The following PPP2R2C variants were observed in gnomAD, a reference collection of about 807,000 sequenced individuals.
PPP2R2C encodes protein phosphatase 2, regulatory subunit B, gamma.
In PPP2R2C, 10 loss-of-function variants were observed where a neutral mutation model predicts 45.3. The observed-to-expected ratio is 0.22, with a 90% CI of 0.14 to 0.37. The LOEUF is 0.37. Among genes scored for constraint, PPP2R2C ranks in the 10% least tolerant of loss-of-function variants. The pLI is 1.00. For missense variants in PPP2R2C, 308 were observed against 619.7 expected (o/e 0.50, Z 5.34); for synonymous variants, 257 against 245.4 (o/e 1.05, Z -0.44).
intron 2 of PPP2R2C, among the ~76,000 whole-genome samples, chr4:6,527,407 C>T (rs1174689693): frequency 6.7e-6 from 1 of 149,258 alleles, no homozygotes; most frequent in Non-Finnish European, 1.5e-5. Context: ...AACAGAACAC[C>T]CCTCTCTCTT....
Position 6,321,150 on chromosome 4 carries a change from C to T in PPP2R2C, c.*2152G>A, listed in dbSNP as rs971403746. ...TGTATTAAGACCTCCTTTTGAAGGA[C>T]ATGTAAGATTTGTACTTTGAAGATG... On this transcript the variant is annotated 3_prime_UTR_variant, in exon 9 of 9. Coordinates refer to ENST00000382599, the MANE Select transcript of PPP2R2C (RefSeq NM_020416.4). 2.0e-5 allele frequency: 3 copies of T among 152,208 alleles called. No homozygotes were observed. Among genetic ancestry groups the T allele is most frequent in the African/African-American group, 7.2e-5 (3 of 41,444 alleles). 9.4% of individuals were successfully genotyped at this position (152,208 alleles called of 1,614,324 possible). A position where few individuals can be genotyped will look rare whatever the true frequency, so the allele number is the denominator to read the frequency against.
intron 1 of PPP2R2C, among the ~76,000 whole-genome samples, chr4:6,541,376 A>AGATT (rs1385334851): frequency 1.3e-5 from 2 of 150,838 alleles, no homozygotes; most frequent in African/African-American, 5.0e-5. Context: ...ATACAGGTCA[A>AGATT]GATTAATTAA....
intron 1 of PPP2R2C, among the ~76,000 whole-genome samples, chr4:6,401,483 G>C (rs1717407991): frequency 6.6e-6 from 1 of 151,898 alleles, no homozygotes; most frequent in African/African-American, 2.4e-5. Flanking sequence ...AGAGTTTCCA[G>C]ATGAACAAGA....
rs1304705887 is a variant in PPP2R2C at position 6,563,094 on chromosome 4, G to A, written c.-59+466C>T. On this transcript the variant is annotated intron_variant, in intron 1 of 9. Transcript: ENST00000506140. This position sits in a 1 kb window ranked among gnomAD's most constrained non-coding sequence, Gnocchi z 5.8. ...CCCGCGGCCGGGACTGAACTCCGCC[G>A]CATTGGGTCTTACCCCGGACTCCGA... is the stretch of plus-strand genomic sequence containing the variant. 6.6e-6 allele frequency among the ~76,000 whole-genome samples: 1 copy of A among 152,170 alleles called. No individual in the cohort carries two copies. The highest frequency in any genetic ancestry group is 1.9e-4 in the East Asian group (1 of 5,188).
intron 1 of PPP2R2C, among the ~76,000 whole-genome samples, chr4:6,424,492 G>A (rs991592023): frequency 3.3e-5 from 5 of 152,232 alleles, no homozygotes; most frequent in African/African-American, 9.6e-5. Context: ...GGTGACCATA[G>A]CATGACTGAC....
intron 2 of PPP2R2C, chr4:6,535,182 G>T: frequency 7.1e-7 from 1 of 1,406,550 alleles, no homozygotes; most frequent in Non-Finnish European, 9.7e-7. Flanking sequence ...CCGCTGTCAG[G>T]CTGGCGCTGT....
intron 1 of PPP2R2C, among the ~76,000 whole-genome samples, chr4:6,398,560 T>C (rs1717209856): frequency 6.6e-6 from 1 of 152,102 alleles, no homozygotes; most frequent in African/African-American, 2.4e-5. Flanking sequence ...GATACCAGTG[T>C]ACACCCATCA....
intron 1 of PPP2R2C, among the ~76,000 whole-genome samples, chr4:6,560,699 G>A (rs1725546950): frequency 6.6e-6 from 1 of 152,240 alleles, no homozygotes; most frequent in Non-Finnish European, 1.5e-5. Flanking sequence ...GTGTGACCCA[G>A]GCAGCCACAC....
intron 1 of PPP2R2C, among the ~76,000 whole-genome samples, chr4:6,430,111 G>A (rs1488597538): frequency 6.6e-6 from 1 of 152,166 alleles, no homozygotes; most frequent in Non-Finnish European, 1.5e-5. Context: ...CATTTAAGAA[G>A]TGGGCACATG....
rs1718027615 is a variant in PPP2R2C, at chr4:6,409,713, A to G, written c.71-28619T>C. Among the ~76,000 whole-genome samples the G allele has an allele frequency of 2.6e-5, 4 of 152,242 alleles. No individual in the cohort carries two copies. The South Asian group carries it at 8.3e-4, about 32-fold the overall frequency. On this transcript the variant is annotated intron_variant, in intron 1 of 8. Transcript: ENST00000382599. Reference sequence around the variant, plus strand: ...CCATATCCCAGCCCTGGAGACACTAAGGTTGGTCGGGGTTCAGGACTCACC... The same window carrying G: ...CCATATCCCAGCCCTGGAGACACTAGGGTTGGTCGGGGTTCAGGACTCACC...
chr4:6,367,452 C>T (rs1347775125), intron 5 of PPP2R2C, among the ~76,000 whole-genome samples: 1 of 152,088 alleles, frequency 6.6e-6, no homozygotes, highest in Non-Finnish European at 1.5e-5. Context: ...GGACACAGGC[C>T]TCCTGACCCT....
At chr4:6,344,416 C>T (rs779811281) in intron 6 of PPP2R2C, among the ~76,000 whole-genome samples, 15 of 152,164 alleles carry the variant, frequency 9.9e-5, no homozygotes, top group Non-Finnish European at 2.1e-4. Flanking sequence ...CTTGGACTCA[C>T]GAAATGTGCA....
At chr4:6,398,783 G>A (rs779001618) in intron 1 of PPP2R2C, among the ~76,000 whole-genome samples, 7 of 152,208 alleles carry the variant, frequency 4.6e-5, no homozygotes, top group Admixed American at 4.6e-4. Flanking sequence ...TCACAAAGGT[G>A]CATACGTACG....
At chr4:6,544,057 T>G (rs78262908) in intron 1 of PPP2R2C, among the ~76,000 whole-genome samples, 1 of 152,042 alleles carries the variant, frequency 6.6e-6, no homozygotes, top group African/African-American at 2.4e-5. Flanking sequence ...CAGTGTCCCC[T>G]ACCCCAACCA....
chr4:6,468,047 G>C (rs184617953), intron 1 of PPP2R2C, among the ~76,000 whole-genome samples: 1 of 152,244 alleles, frequency 6.6e-6, no homozygotes, highest in Non-Finnish European at 1.5e-5. Flanking sequence ...TCCAGCTATG[G>C]CCTGAGATCT....
At chr4:6,426,561 T>C (rs1474815819) in intron 1 of PPP2R2C, among the ~76,000 whole-genome samples, 1 of 152,196 alleles carries the variant, frequency 6.6e-6, no homozygotes, top group African/African-American at 2.4e-5. Context: ...ATGGCAATTG[T>C]GGTCCTTGTA....
intron 1 of PPP2R2C, among the ~76,000 whole-genome samples, chr4:6,429,201 G>A (rs1355806457): frequency 6.6e-6 from 1 of 152,224 alleles, no homozygotes; most frequent in African/African-American, 2.4e-5. Context: ...ACCCCCTGTG[G>A]TATACCATGT....
chr4:6,381,321 G>A, intron 1 of PPP2R2C: 2 of 1,519,740 alleles, frequency 1.3e-6, no homozygotes, highest in Non-Finnish European at 1.8e-6. Context: ...AGAGATCTCG[G>A]GACTTGGCAC....
chr4:6,349,943 A>C, intron 5 of PPP2R2C: 2 of 985,358 alleles, frequency 2.0e-6, no homozygotes, highest in Non-Finnish European at 2.4e-6. Context: ...AGGGTTTATA[A>C]AATGCCAGGG....
Sources: allele counts gnomAD v4.1 joint callset (sites outside exome capture counted in the v4.1 genomes callset), GRCh38; gene constraint gnomAD v4.1.1; non-coding constraint Gnocchi (gnomAD v3.1); transcripts MANE v1.5; gene names NCBI Gene and HGNC (gene_info 2026-07-23, HGNC 2026-07-21).